HIBADH: variants seen among roughly 807,000 people sequenced by gnomAD.
HIBADH encodes the protein 3-hydroxyisobutyrate dehydrogenase, mitochondrial.
HIBADH carries 25 observed loss-of-function variants against 36.1 expected under a neutral mutation model. That is an observed-to-expected ratio of 0.69 (90% CI 0.50 to 0.97). The LOEUF is 0.97. Ranked by LOEUF, HIBADH falls within the 50% of genes least tolerant of loss-of-function variation. The pLI is 0.00. For missense variants in HIBADH, 421 were observed against 418.0 expected, an observed-to-expected ratio of 1.01 and a Z score of -0.06; for synonymous variants, 160 against 149.5, an observed-to-expected ratio of 1.07 and a Z score of -0.51.
At chr7:27,526,502 T>C (rs938924829) in intron 7 of HIBADH, 130 bp from the exon 8 acceptor site, 5 of 619,120 alleles carry the variant, frequency 8.1e-6, no homozygotes, top group African/African-American at 5.7e-5. Context: ...ATAAATACTA[T>C]GGTAAGTTAA....
At chr7:27,536,203 T>C (rs941245837) in intron 6 of HIBADH, among the ~76,000 whole-genome samples, 5 of 152,094 alleles carry the variant, frequency 3.3e-5, no homozygotes, top group South Asian at 4.1e-4. Context: ...GAAAAGACAA[T>C]AGCAGAAGCA....
chr7:27,582,860 T>C (rs1275084375), intron 4 of HIBADH, among the ~76,000 whole-genome samples: 1 of 151,364 alleles, frequency 6.6e-6, no homozygotes, highest in Admixed American at 6.6e-5. Context: ...TACAAATGAG[T>C]AGGACAAATT....
At chr7:27,652,196 A>G (rs1420939308) in intron 1 of HIBADH, among the ~76,000 whole-genome samples, 1 of 152,246 alleles carries the variant, frequency 6.6e-6, no homozygotes, top group Non-Finnish European at 1.5e-5. Flanking sequence ...TTGTAATGCC[A>G]AGATTCAAAT....
chr7:27,567,564 T>C (rs1041586923), intron 4 of HIBADH, among the ~76,000 whole-genome samples: 1 of 152,182 alleles, frequency 6.6e-6, no homozygotes, highest in Non-Finnish European at 1.5e-5. Flanking sequence ...CTTTCTCCTT[T>C]CCCACCTTCT....
chr7:27,646,940 C>T (rs1347285351), intron 2 of HIBADH, among the ~76,000 whole-genome samples: 1 of 152,078 alleles, frequency 6.6e-6, no homozygotes. Flanking sequence ...AGGTGATCCG[C>T]CTGCCTTGGC....
At chr7:27,628,029 T>C (rs772800883) in intron 4 of HIBADH, among the ~76,000 whole-genome samples, 12 of 152,296 alleles carry the variant, frequency 7.9e-5, no homozygotes, top group Non-Finnish European at 1.3e-4. Flanking sequence ...ATTTGTACCA[T>C]ACCAATTTTC....
At chr7:27,630,647 C>G (rs1188725843) in intron 3 of HIBADH, among the ~76,000 whole-genome samples, 2 of 151,892 alleles carry the variant, frequency 1.3e-5, no homozygotes, top group Admixed American at 6.6e-5. Flanking sequence ...AAGGCTGTAA[C>G]CCCAGCACTC....
chr7:27,613,702 A>C, intron 4 of HIBADH, among the ~76,000 whole-genome samples: 1 of 145,552 alleles, frequency 6.9e-6, no homozygotes, highest in African/African-American at 2.6e-5. Flanking sequence ...TCTGTCACCC[A>C]GGCTGGAGTG....
chr7:27,642,339 C>G (rs1017864035), intron 2 of HIBADH, among the ~76,000 whole-genome samples: 3 of 152,106 alleles, frequency 2.0e-5, no homozygotes, highest in Admixed American at 6.6e-5. Context: ...TTTTCTTCCT[C>G]AAAAATTGCC....
At chr7:27,530,334 T>G (rs1158886916) in intron 7 of HIBADH, among the ~76,000 whole-genome samples, 1 of 152,118 alleles carries the variant, frequency 6.6e-6, no homozygotes, top group Non-Finnish European at 1.5e-5. Context: ...GCCTCCTGAG[T>G]AGCTGGGCTT....
At chr7:27,619,176 A>G (rs1327784999) in intron 4 of HIBADH, among the ~76,000 whole-genome samples, 1 of 152,168 alleles carries the variant, frequency 6.6e-6, no homozygotes, top group Non-Finnish European at 1.5e-5. Flanking sequence ...CTAACCCTCC[A>G]AGGAAATAAC....
At chr7:27,632,497 T>C in intron 2 of HIBADH, 52 bp from the exon 3 acceptor site, 1 of 1,233,524 alleles carries the variant, frequency 8.1e-7, no homozygotes, top group South Asian at 1.2e-5. Context: ...GTAAGCAGTT[T>C]CTAGAGCACA....
chr7:27,656,408 C>T (rs1382746120), intron 1 of HIBADH, among the ~76,000 whole-genome samples: 6 of 151,956 alleles, frequency 3.9e-5, no homozygotes, highest in Non-Finnish European at 8.8e-5. Context: ...ACTAAATGTA[C>T]ATTGTAGGAC....
At chr7:27,591,482 C>T (rs1019050222) in intron 4 of HIBADH, among the ~76,000 whole-genome samples, 22 of 151,220 alleles carry the variant, frequency 1.5e-4, no homozygotes, top group Non-Finnish European at 2.4e-4. Flanking sequence ...ACCCGGGAGG[C>T]GGAGGTTGCA....
intron 4 of HIBADH, among the ~76,000 whole-genome samples, chr7:27,559,138 T>C (rs1784432119): frequency 6.6e-6 from 1 of 152,216 alleles, no homozygotes; most frequent in Non-Finnish European, 1.5e-5. Flanking sequence ...TTTATGTGTG[T>C]GTCTAAATTT....
intron 7 of HIBADH, among the ~76,000 whole-genome samples, chr7:27,528,205 C>G (rs1246528263): frequency 6.6e-6 from 1 of 152,100 alleles, no homozygotes; most frequent in East Asian, 1.9e-4. Flanking sequence ...TCTCTTACCC[C>G]TCAGGCCTCC....
chr7:27,637,972 T>C (rs186834842), intron 2 of HIBADH, among the ~76,000 whole-genome samples: 25 of 152,330 alleles, frequency 1.6e-4, no homozygotes, highest in Admixed American at 1.4e-3. Flanking sequence ...ATAGGAATAA[T>C]CAATTTTGTT....
chr7:27,543,995 A>T (rs796217485), intron 4 of HIBADH, among the ~76,000 whole-genome samples: 11 of 152,316 alleles, frequency 7.2e-5, no homozygotes, highest in African/African-American at 2.6e-4. Flanking sequence ...TGTTTTTAAT[A>T]TTGAAAGAAA....
At chr7:27,612,227 T>C (rs1365048407) in intron 4 of HIBADH, among the ~76,000 whole-genome samples, 1 of 152,098 alleles carries the variant, frequency 6.6e-6, no homozygotes, top group African/African-American at 2.4e-5. Context: ...GATAATCTTA[T>C]AAGGACTATA....
Sources: gnomAD v4.1 joint callset for allele counts (sites outside exome capture counted in the v4.1 genomes callset) on GRCh38, gnomAD v4.1.1 for gene constraint, MANE v1.5 for transcripts, NCBI Gene and HGNC (gene_info 2026-07-23, HGNC 2026-07-21) for gene names.